The following TTC23L variants were observed in gnomAD, a reference collection of about 807,000 sequenced individuals.
TTC23L encodes the protein tetratricopeptide repeat domain 23 like.
TTC23L carries 42 observed loss-of-function variants against 48.1 expected under a neutral mutation model. The ratio of observed to expected loss-of-function variants is 0.87; its 90% CI spans 0.68 to 1.13. TTC23L has a LOEUF of 1.13. Ranked by LOEUF, TTC23L falls within the 50% of genes most tolerant of loss-of-function variation. The probability of loss-of-function intolerance (pLI) is 0.00; values close to 1 mark genes in which losing one functional copy is unlikely to be tolerated. For synonymous variants in TTC23L, 159 were observed against 157.2 expected (o/e 1.01, Z -0.09); for missense variants, 391 against 421.0 (o/e 0.93, Z 0.62).
intron 1 of TTC23L, chr5:34,839,472 GAA>G (rs1172157574): frequency 4.6e-6 from 1 of 218,530 alleles, no homozygotes. Context: ...ACCACAGCGG[GAA>G]AAGAGGAGCG....
chr5:34,888,420 A>C, intron 9 of TTC23L: 1 of 955,846 alleles, frequency 1.0e-6, no homozygotes, highest in Non-Finnish European at 1.2e-6. Context: ...TTGCTATCTG[A>C]TTCTCTTTAA....
intron 8 of TTC23L, among the ~76,000 whole-genome samples, chr5:34,874,741 A>G (rs1248715059): frequency 6.6e-6 from 1 of 151,986 alleles, no homozygotes; most frequent in Non-Finnish European, 1.5e-5. Context: ...AAATAAATAA[A>G]TAAAATTTAA....
intron 9 of TTC23L, among the ~76,000 whole-genome samples, chr5:34,893,849 A>G (rs1763029185): frequency 1.3e-5 from 2 of 152,244 alleles, no homozygotes; most frequent in Admixed American, 6.5e-5. Context: ...GGCCAGTGTC[A>G]TTGTTACGAA....
At chr5:34,862,805 A>G (rs1354423585) in intron 4 of TTC23L, 93 bp from the exon 5 acceptor site, 1 of 1,466,538 alleles carries the variant, frequency 6.8e-7, no homozygotes, top group Non-Finnish European at 9.3e-7. Context: ...CGACAACTGC[A>G]CTGCCCACTT....
At chr5:34,914,951 T>G in the TTC23L span, 1 of 1,581,812 alleles carries the variant, frequency 6.3e-7, no homozygotes, top group Non-Finnish European at 8.6e-7. Flanking sequence ...TCTCGGCGGA[T>G]CGCCAAACAC....
chr5:34,913,514 A>C, the TTC23L span: 1 of 1,604,040 alleles, frequency 6.2e-7, no homozygotes, highest in Non-Finnish European at 8.5e-7. Context: ...GTCTAAAAGG[A>C]CAGTTAAATT....
chr5:34,914,402 T>G, the TTC23L span: 1 of 380,602 alleles, frequency 2.6e-6, no homozygotes, highest in East Asian at 5.8e-5. Flanking sequence ...AGTTAAACAA[T>G]AAGAAGACTG....
chr5:34,886,920 A>C (rs1422629926), intron 9 of TTC23L, among the ~76,000 whole-genome samples: 1 of 152,216 alleles, frequency 6.6e-6, no homozygotes, highest in South Asian at 2.1e-4. Context: ...TTTCCCTTCC[A>C]GAGAGCTCAT....
At chr5:34,901,667 CAGG>C (rs1223859425), downstream of TTC23L, among the ~76,000 whole-genome samples, 3 of 152,174 alleles carry the variant, frequency 2.0e-5, no homozygotes, top group Non-Finnish European at 4.4e-5. Context: ...GAGGCTGGGG[CAGG>C]AGAATTGCTT....
At chr5:34,861,821 C>G (rs1235631903) in intron 4 of TTC23L, among the ~76,000 whole-genome samples, 1 of 152,104 alleles carries the variant, frequency 6.6e-6, no homozygotes, top group African/African-American at 2.4e-5. Flanking sequence ...TTTACCAGCC[C>G]CTAGGTACCT....
chr5:34,914,969 G>T, the TTC23L span: 1 of 1,508,836 alleles, frequency 6.6e-7, no homozygotes. Flanking sequence ...CACCTGAAGG[G>T]ATTAGACAGT....
intron 8 of TTC23L, among the ~76,000 whole-genome samples, chr5:34,876,574 T>C (rs1177125702): frequency 6.7e-6 from 1 of 150,160 alleles, no homozygotes; most frequent in Non-Finnish European, 1.5e-5. Flanking sequence ...ACTAAGCCAT[T>C]TGAATAGATC....
chr5:34,875,322 A>G (rs766193130), intron 8 of TTC23L, among the ~76,000 whole-genome samples: 4 of 152,180 alleles, frequency 2.6e-5, no homozygotes, highest in Admixed American at 6.5e-5. Context: ...GGATAGATAC[A>G]TATATATAAA....
In TTC23L at chr5:34,877,053, G is replaced by A. The variant is rs144779037; in HGVS notation, c.950-3128G>A. On this transcript the variant is annotated intron_variant, in intron 8 of 10. Transcript: ENST00000505624. ...ATCAATACATCTCATGAACATAGAG[G>A]CAAAAATCCTTAACAAAACATCAGC... is the stretch of plus-strand genomic sequence containing the variant. Among the ~76,000 whole-genome samples, 67 of 151,904 alleles carry A rather than the reference G, an allele frequency of 4.4e-4. No individual in the cohort carries two copies. The East Asian group carries it at 0.012, about 28-fold the overall frequency.
intron 4 of TTC23L, among the ~76,000 whole-genome samples, chr5:34,862,109 G>A (rs1760710153): frequency 6.6e-6 from 1 of 152,132 alleles, no homozygotes; most frequent in African/African-American, 2.4e-5. Flanking sequence ...TGGAAAGTCA[G>A]CCCTGGACAC....
At chr5:34,840,548 AG>A in intron 1 of TTC23L, 116 bp from the exon 2 acceptor site, 1 of 814,322 alleles carries the variant, frequency 1.2e-6, no homozygotes, top group Non-Finnish European at 2.1e-6. Flanking sequence ...CTGTGGATTT[AG>A]GATGGGTTAT....
intron 9 of TTC23L, among the ~76,000 whole-genome samples, chr5:34,895,073 C>T (rs1763123973): frequency 6.6e-6 from 1 of 152,164 alleles, no homozygotes; most frequent in South Asian, 2.1e-4. Context: ...ACTGTTTGTC[C>T]AGTACCTGAT....
intron 9 of TTC23L, among the ~76,000 whole-genome samples, chr5:34,886,637 T>C (rs533712316): frequency 6.6e-6 from 1 of 152,322 alleles, no homozygotes; most frequent in East Asian, 1.9e-4. Flanking sequence ...TGCATGTATA[T>C]ATGTATTTTC....
At chr5:34,918,489 A>G in the TTC23L span, 3 of 1,446,386 alleles carry the variant, frequency 2.1e-6, no homozygotes, top group Non-Finnish European at 2.8e-6. Context: ...CCTTTATATC[A>G]TATACTTTAG....
Sources: gnomAD v4.1 joint callset for allele counts (sites outside exome capture counted in the v4.1 genomes callset) on GRCh38, gnomAD v4.1.1 for gene constraint, MANE v1.5 for transcripts, NCBI Gene and HGNC (gene_info 2026-07-23, HGNC 2026-07-21) for gene names.